TMOD3: variants seen among roughly 807,000 people sequenced by gnomAD.
TMOD3 encodes tropomodulin-3.
TMOD3 carries 20 observed loss-of-function variants against 39.2 expected under a neutral mutation model. The ratio of observed to expected loss-of-function variants is 0.51; its 90% CI spans 0.36 to 0.74. The LOEUF is 0.74. Among genes scored for constraint, TMOD3 ranks in the 30% least tolerant of loss-of-function variants. TMOD3 has a pLI of 0.00. For missense variants in TMOD3, 381 were observed against 412.8 expected (o/e 0.92, Z 0.67); for synonymous variants, 143 against 145.8 (o/e 0.98, Z 0.14).
rs375716526 is a variant in TMOD3 at position 51,909,556 on chromosome 15, C to G, written c.*746C>G. On this transcript the variant is annotated 3_prime_UTR_variant, in exon 10 of 10. Coordinates refer to ENST00000308580, the MANE Select transcript of TMOD3 (RefSeq NM_014547.5). ...GGGCATTATTAAATTTTTGTGGAAG[C>G]TAATAGTAAAAAATAAAAGCTGTTT... is the stretch of plus-strand genomic sequence containing the variant. 1.6e-4 allele frequency: 24 copies of G among 152,562 alleles called. No homozygotes were observed. Among genetic ancestry groups the G allele is most frequent in the African/African-American group, 4.3e-4 (18 of 41,508 alleles). 9.5% of individuals were successfully genotyped at this position (152,562 alleles called of 1,614,324 possible).
At chr15:51,879,384 T>C (rs1183840824) in intron 3 of TMOD3, among the ~76,000 whole-genome samples, 1 of 152,060 alleles carries the variant, frequency 6.6e-6, no homozygotes, top group African/African-American at 2.4e-5. Flanking sequence ...TCATTGTTTA[T>C]TTTTATAGTT....
intron 1 of TMOD3, among the ~76,000 whole-genome samples, chr15:51,846,162 A>AAAT (rs2056334852): frequency 6.6e-6 from 1 of 151,340 alleles, no homozygotes; most frequent in African/African-American, 2.4e-5. Flanking sequence ...CCAAAAAAAA[A>AAAT]AAAAATACAA....
At position 51,883,315 on chromosome 15, in the gene TMOD3, G is replaced by T. The variant is rs148291462; in HGVS notation, c.284-4274G>T. Among the ~76,000 whole-genome samples the T allele has an allele frequency of 3.0e-4, 46 of 152,164 alleles. No homozygotes were observed. In the East Asian group the frequency reaches 8.1e-3, roughly 27 times the overall value. ...CATTAGCAAAAATTTATATATGGGGGGAAATTAGGTACGAATAATGCCTTT... is the reference window on the plus strand; with the variant it reads ...CATTAGCAAAAATTTATATATGGGGTGAAATTAGGTACGAATAATGCCTTT... On this transcript the variant is annotated intron_variant, in intron 3 of 9. Coordinates refer to ENST00000308580, the MANE Select transcript of TMOD3 (RefSeq NM_014547.5).
intron 1 of TMOD3, among the ~76,000 whole-genome samples, chr15:51,834,121 A>G (rs2056269346): frequency 6.6e-6 from 1 of 152,052 alleles, no homozygotes; most frequent in Non-Finnish European, 1.5e-5. Flanking sequence ...CTAGTCTTTC[A>G]TTGGGTCATT....
At chr15:51,862,022 T>A (rs2056421813) in intron 1 of TMOD3, among the ~76,000 whole-genome samples, 1 of 152,204 alleles carries the variant, frequency 6.6e-6, no homozygotes, top group African/African-American at 2.4e-5. Flanking sequence ...TCGCCTTTCC[T>A]ATAGAACAGT....
In TMOD3 at chr15:51,839,317, G is replaced by A. The variant is rs181362950; in HGVS notation, c.-75+9481G>A. On this transcript the variant is annotated intron_variant, in intron 1 of 9. Coordinates refer to ENST00000308580, the MANE Select transcript of TMOD3 (RefSeq NM_014547.5). ...CCCAAGTAGCTGGAACTAAAGGCAC[G>A]TGCCACCATGCCTGGCTAATTTTTT... 4.0e-4 allele frequency among the ~76,000 whole-genome samples: 60 copies of A among 150,950 alleles called. 2 individuals carry two copies. The highest frequency in any genetic ancestry group is 1.4e-3 in the African/African-American group (57 of 41,146).
chr15:51,890,014 T>C (rs1305658506), intron 5 of TMOD3, among the ~76,000 whole-genome samples: 1 of 152,150 alleles, frequency 6.6e-6, no homozygotes, highest in East Asian at 1.9e-4. Flanking sequence ...AAACACCACC[T>C]ACCCTGTTAA....
At chr15:51,884,215 A>G (rs536799007) in intron 3 of TMOD3, among the ~76,000 whole-genome samples, 5 of 152,206 alleles carry the variant, frequency 3.3e-5, no homozygotes, top group Non-Finnish European at 5.9e-5. Flanking sequence ...AAATGGGGCC[A>G]TTGGACTGAA....
At chr15:51,887,147 G>T in intron 3 of TMOD3, among the ~76,000 whole-genome samples, 1 of 151,246 alleles carries the variant, frequency 6.6e-6, no homozygotes. Flanking sequence ...CTTGAACCCG[G>T]GAGGTGGAGG....
intron 1 of TMOD3, chr15:51,860,109 C>A: frequency 2.1e-6 from 1 of 484,996 alleles, no homozygotes; most frequent in Non-Finnish European, 4.1e-6. Context: ...GTAGGCTGTA[C>A]GCTGCTCTTC....
chr15:51,896,189 T>G (rs1356271137), intron 6 of TMOD3, among the ~76,000 whole-genome samples: 10 of 152,122 alleles, frequency 6.6e-5, no homozygotes, highest in Non-Finnish European at 4.4e-5. Context: ...AGAGAAATGG[T>G]GATATGTGCT....
chr15:51,870,597 C>T (rs2056470178), intron 3 of TMOD3, among the ~76,000 whole-genome samples: 1 of 152,202 alleles, frequency 6.6e-6, no homozygotes, highest in Admixed American at 6.5e-5. Flanking sequence ...AGCACTCCAG[C>T]TTCTATAGTA....
At chr15:51,866,272 T>A (rs951930385) in intron 2 of TMOD3, among the ~76,000 whole-genome samples, 1 of 152,010 alleles carries the variant, frequency 6.6e-6, no homozygotes, top group African/African-American at 2.4e-5. Context: ...CTGGGCAACA[T>A]AGCAAGACCT....
chr15:51,881,288 G>T (rs2056532252), intron 3 of TMOD3, among the ~76,000 whole-genome samples: 1 of 151,694 alleles, frequency 6.6e-6, no homozygotes, highest in African/African-American at 2.4e-5. Context: ...TTTTAAACTG[G>T]GTTGTCCTTT....
chr15:51,905,192 T>TA (rs1233063693), intron 9 of TMOD3, among the ~76,000 whole-genome samples: 2 of 152,178 alleles, frequency 1.3e-5, no homozygotes, highest in Non-Finnish European at 2.9e-5. Flanking sequence ...AGCTAACATT[T>TA]AAAAAGTGGT....
chr15:51,895,179 G>A (rs1477367559), intron 6 of TMOD3, among the ~76,000 whole-genome samples: 1 of 151,806 alleles, frequency 6.6e-6, no homozygotes, highest in Admixed American at 6.6e-5. Flanking sequence ...AGGAAGGAAA[G>A]CCTCAGAGAA....
intron 3 of TMOD3, among the ~76,000 whole-genome samples, chr15:51,876,798 G>T (rs1002930449): frequency 1.3e-5 from 2 of 152,108 alleles, no homozygotes; most frequent in Non-Finnish European, 2.9e-5. Flanking sequence ...TTCCGTCCAG[G>T]CATGATGGCT....
chr15:51,871,662 A>G (rs1268768682), intron 3 of TMOD3, among the ~76,000 whole-genome samples: 1 of 152,218 alleles, frequency 6.6e-6, no homozygotes, highest in East Asian at 1.9e-4. Flanking sequence ...GAAATAGGAA[A>G]GAAAGCAGAG....
chr15:51,856,900 C>A (rs565275818), intron 1 of TMOD3, among the ~76,000 whole-genome samples: 4 of 152,246 alleles, frequency 2.6e-5, no homozygotes, highest in African/African-American at 9.6e-5. Context: ...TACCCTTTTC[C>A]CAGCAATTCC....
Sources: allele counts gnomAD v4.1 joint callset (sites outside exome capture counted in the v4.1 genomes callset), GRCh38; gene constraint gnomAD v4.1.1; transcripts MANE v1.5; gene names NCBI Gene and HGNC (gene_info 2026-07-23, HGNC 2026-07-21).